Variants in CENPI observed in about 807,000 individuals in gnomAD.
CENPI encodes the protein FSH primary response 1.
In CENPI, 4 loss-of-function variants were observed where a neutral mutation model predicts 60.4. The observed-to-expected ratio is 0.07, with a 90% CI of 0.03 to 0.15. The LOEUF is 0.15. Ranked by LOEUF, CENPI falls within the 10% of genes least tolerant of loss-of-function variation. The pLI, the probability that CENPI is intolerant of heterozygous loss-of-function variation, is 1.00. For synonymous variants in CENPI, 157 were observed against 189.4 expected (o/e 0.83, Z 1.40); for missense variants, 444 against 534.5 (o/e 0.83, Z 1.67).
intron 11 of CENPI, among the ~76,000 whole-genome samples, chrX:101,128,060 C>T (rs1348709903): frequency 1.8e-5 from 2 of 111,057 alleles, no homozygotes; most frequent in Non-Finnish European, 1.9e-5. Flanking sequence ...TTGGGCTGGG[C>T]GCGGTGGCTC....
downstream of CENPI, among the ~76,000 whole-genome samples, chrX:101,168,166 AAGGAATTGCTTTGCTATT>A (rs1235992296): frequency 6.2e-5 from 7 of 112,966 alleles, no homozygotes; most frequent in African/African-American, 1.9e-4. Flanking sequence ...GCAACTGAAG[AAGGAATTGCTTTGCTATT>A]AGTTCCTGAC....
At chrX:101,124,697 C>G (rs758776033) in intron 8 of CENPI, among the ~76,000 whole-genome samples, 8 of 111,353 alleles carry the variant, frequency 7.2e-5, no homozygotes, top group Non-Finnish European at 1.5e-4. Flanking sequence ...TGAGTTCTCA[C>G]GAGATCTGAT....
downstream of CENPI, among the ~76,000 whole-genome samples, chrX:101,168,482 C>A (rs2090149506): frequency 1.8e-5 from 2 of 111,956 alleles, no homozygotes; most frequent in Non-Finnish European, 3.8e-5. Context: ...AGGAGAATTG[C>A]TTGAACCCGG....
chrX:101,143,309 G>A (rs1602835775), intron 16 of CENPI, among the ~76,000 whole-genome samples: 1 of 110,890 alleles, frequency 9.0e-6, no homozygotes, highest in African/African-American at 3.3e-5. Flanking sequence ...ATTCAAATTT[G>A]TAAGTCTTTT....
intron 16 of CENPI, among the ~76,000 whole-genome samples, chrX:101,141,744 C>A (rs182316352): frequency 1.8e-5 from 2 of 110,913 alleles, no homozygotes; most frequent in East Asian, 2.8e-4. Context: ...CCTGCCCCCC[C>A]CTTTTTTATT....
chrX:101,176,176 T>A, the CENPI span, among the ~76,000 whole-genome samples: 1 of 112,250 alleles, frequency 8.9e-6, no homozygotes, highest in South Asian at 3.7e-4. Flanking sequence ...TGTGCATTTT[T>A]AATTCATTAG....
intron 13 of CENPI, among the ~76,000 whole-genome samples, chrX:101,131,141 C>A (rs1008289217): frequency 9.1e-6 from 1 of 110,282 alleles, no homozygotes; most frequent in Non-Finnish European, 1.9e-5. Flanking sequence ...AGGTGTGCAC[C>A]ACCACTCCTG....
intron 20 of CENPI, among the ~76,000 whole-genome samples, chrX:101,155,588 T>C (rs983111820): frequency 6.2e-5 from 7 of 112,101 alleles, no homozygotes; most frequent in African/African-American, 2.3e-4. Flanking sequence ...TCTGCTGATA[T>C]GGTATATTCC....
At chrX:101,179,127 A>T in the CENPI span, among the ~76,000 whole-genome samples, 4 of 111,995 alleles carry the variant, frequency 3.6e-5, no homozygotes, top group Admixed American at 9.5e-5. Context: ...GAACTTTTTC[A>T]TCACCCAGAA....
At chrX:101,137,754 T>C (rs988541432) in intron 15 of CENPI, among the ~76,000 whole-genome samples, 13 of 106,148 alleles carry the variant, frequency 1.2e-4, no homozygotes, top group African/African-American at 3.4e-4. Flanking sequence ...GATTGTTACA[T>C]GAAAGGAGAT....
chrX:101,151,483 TA>T (rs774381432), intron 20 of CENPI, among the ~76,000 whole-genome samples: 5 of 110,210 alleles, frequency 4.5e-5, no homozygotes, highest in Admixed American at 9.8e-5. Flanking sequence ...CTTGTTACTT[TA>T]AAAAAAAATC....
chrX:101,162,564 G>T (rs1210963690), intron 21 of CENPI, among the ~76,000 whole-genome samples: 1 of 106,029 alleles, frequency 9.4e-6, no homozygotes, highest in Non-Finnish European at 1.9e-5. Flanking sequence ...CTGCTCCTAT[G>T]TTATCTCCTA....
chrX:101,149,507 C>CTT (rs1378131346), intron 20 of CENPI, among the ~76,000 whole-genome samples: 112 of 93,012 alleles, frequency 1.2e-3, no homozygotes, highest in Non-Finnish European at 2.0e-3. Flanking sequence ...GGTGCTTCTT[C>CTT]TTTTTTTTTT....
At chrX:101,104,743 C>T (rs2089463494) in intron 4 of CENPI, among the ~76,000 whole-genome samples, 1 of 110,113 alleles carries the variant, frequency 9.1e-6, no homozygotes, top group Non-Finnish European at 1.9e-5. Flanking sequence ...GCCTGTAGTC[C>T]CAGCTACTTG....
Position 101,109,892 on chromosome X carries a change from T to A in CENPI, c.485T>A (p.Val162Glu). Residue 162 changes from valine (V) to glutamate (E), a missense_variant and splice_region_variant, in exon 6 of 22, where the codon GTA becomes GAA. Physicochemically the swap from Val to Glu is moderately radical, Grantham distance 121. Transcript: ENST00000682095. ...ATAAGTATTTTGTCTCTTCAATAGG[T>A]ACTTTTTTATCGTTGGCTGGTTGCA... ...CVGKCSGSTKVLFYRWLVAMF... is the reference protein window; with the variant it reads ...CVGKCSGSTKELFYRWLVAMF... 1 of 1,176,894 alleles carries A rather than the reference T, an allele frequency of 8.5e-7. No individual in the cohort carries two copies. Among genetic ancestry groups the A allele is most frequent in the East Asian group, 3.0e-5 (1 of 33,698 alleles).
intron 16 of CENPI, among the ~76,000 whole-genome samples, chrX:101,143,321 C>T (rs2089932086): frequency 9.0e-6 from 1 of 110,963 alleles, no homozygotes. Context: ...AAGTCTTTTC[C>T]TAATCCATTT....
intron 15 of CENPI, among the ~76,000 whole-genome samples, chrX:101,135,866 G>A (rs1024082090): frequency 9.9e-5 from 11 of 111,099 alleles, no homozygotes; most frequent in Non-Finnish European, 7.6e-5. Context: ...GATAACAGGC[G>A]CCCACCACCA....
intron 11 of CENPI, 102 bp from the exon 12 acceptor site, chrX:101,128,614 G>A (rs1165209878): frequency 3.5e-6 from 3 of 861,523 alleles, no homozygotes; most frequent in Admixed American, 2.4e-5. Context: ...ATAGGCATGA[G>A]CCACCATGCC....
chrX:101,102,668 G>GA (rs2089434903), intron 4 of CENPI, among the ~76,000 whole-genome samples: 1 of 104,518 alleles, frequency 9.6e-6, no homozygotes, highest in Non-Finnish European at 2.0e-5. Flanking sequence ...GCTCGAGGGG[G>GA]ATGTTGTTTT....
Sources: allele counts gnomAD v4.1 joint callset (sites outside exome capture counted in the v4.1 genomes callset), GRCh38; gene constraint gnomAD v4.1.1; transcripts MANE v1.5; gene names NCBI Gene and HGNC (gene_info 2026-07-23, HGNC 2026-07-21).